The following MLLT3 variants were observed in gnomAD, a reference collection of about 807,000 sequenced individuals.
The protein encoded by MLLT3 is MLLT3 super elongation complex subunit.
MLLT3 carries 4 observed loss-of-function variants against 53.2 expected under a neutral mutation model. The observed-to-expected ratio is 0.08, with a 90% CI of 0.04 to 0.17. The LOEUF is 0.17. Among genes scored for constraint, MLLT3 ranks in the 10% least tolerant of loss-of-function variants. The pLI is 1.00. For missense variants in MLLT3, 569 were observed against 684.0 expected, an observed-to-expected ratio of 0.83 and a Z score of 1.87; for synonymous variants, 283 against 230.6, an observed-to-expected ratio of 1.23 and a Z score of -2.06.
At chr9:20,357,735 G>A (rs962968619) in intron 8 of MLLT3, among the ~76,000 whole-genome samples, 1 of 152,110 alleles carries the variant, frequency 6.6e-6, no homozygotes, top group African/African-American at 2.4e-5. Context: ...TCTAGTCCCT[G>A]GAAGATTTGA....
At position 20,476,832 on chromosome 9, in the gene MLLT3, T is replaced by A. The variant is rs141953927; in HGVS notation, c.194-20046A>T. Among the ~76,000 whole-genome samples the A allele has an allele frequency of 1.8e-3, 277 of 152,266 alleles. 2 individuals are homozygous for A. The highest frequency in any genetic ancestry group is 0.017 in the South Asian group (84 of 4,830). ...GAAATTGTTAAGAATGATTACAATCTAGAAAATTATCAACTAGCTAAAATG... is the reference window on the plus strand; with the variant it reads ...GAAATTGTTAAGAATGATTACAATCAAGAAAATTATCAACTAGCTAAAATG... On this transcript the variant is annotated intron_variant, in intron 2 of 10. Transcript: ENST00000380338.
chr9:20,457,854 A>T (rs1824010201), intron 2 of MLLT3, among the ~76,000 whole-genome samples: 1 of 152,186 alleles, frequency 6.6e-6, no homozygotes, highest in Non-Finnish European at 1.5e-5. Context: ...AATCAGTCAC[A>T]AGCCAACTGA....
intron 6 of MLLT3, among the ~76,000 whole-genome samples, chr9:20,364,549 T>C (rs748212585): frequency 6.6e-5 from 10 of 152,232 alleles, no homozygotes; most frequent in Non-Finnish European, 1.0e-4. Context: ...ATCTGAGCTA[T>C]TACTATCTTG....
chr9:20,462,951 G>A (rs967772959), intron 2 of MLLT3, among the ~76,000 whole-genome samples: 1 of 152,098 alleles, frequency 6.6e-6, no homozygotes, highest in Non-Finnish European at 1.5e-5. Flanking sequence ...AATATAATGA[G>A]ACAGTCGGTA....
At chr9:20,530,959 A>T (rs1818317213) in intron 2 of MLLT3, among the ~76,000 whole-genome samples, 1 of 151,556 alleles carries the variant, frequency 6.6e-6, no homozygotes, top group Admixed American at 6.6e-5. Context: ...CAAATTATGT[A>T]TTACATATTT....
At chr9:20,556,444 A>G (rs184145451) in intron 2 of MLLT3, among the ~76,000 whole-genome samples, 139 of 152,262 alleles carry the variant, frequency 9.1e-4, no homozygotes, top group Non-Finnish European at 1.6e-3. Flanking sequence ...CGGCACTTTG[A>G]GAGGCCGAGG....
intron 2 of MLLT3, among the ~76,000 whole-genome samples, chr9:20,575,075 A>G (rs937607914): frequency 8.5e-5 from 13 of 152,204 alleles, no homozygotes; most frequent in African/African-American, 2.4e-5. Context: ...TCAGTCACAT[A>G]TTCAGGTTCC....
intron 5 of MLLT3, among the ~76,000 whole-genome samples, chr9:20,389,595 T>C (rs1822134518): frequency 6.6e-6 from 1 of 151,690 alleles, no homozygotes; most frequent in Non-Finnish European, 1.5e-5. Context: ...GGTAACACAG[T>C]AGAACCCCAT....
chr9:20,571,796 G>A (rs1003483064), intron 2 of MLLT3, among the ~76,000 whole-genome samples: 5 of 152,160 alleles, frequency 3.3e-5, no homozygotes, highest in African/African-American at 1.2e-4. Context: ...ACTAATCATT[G>A]TGGAAATGCA....
At chr9:20,358,485 AC>A (rs1821229476) in intron 8 of MLLT3, among the ~76,000 whole-genome samples, 1 of 152,232 alleles carries the variant, frequency 6.6e-6, no homozygotes, top group Non-Finnish European at 1.5e-5. Flanking sequence ...AGATAAGGTA[AC>A]TTTTACCCTC....
chr9:20,589,786 C>A (rs1435175174), intron 2 of MLLT3, among the ~76,000 whole-genome samples: 1 of 150,980 alleles, frequency 6.6e-6, no homozygotes, highest in Non-Finnish European at 1.5e-5. Flanking sequence ...TCTCGGCTCA[C>A]TGCAACCTCT....
intron 4 of MLLT3, among the ~76,000 whole-genome samples, chr9:20,441,256 C>A (rs59795497): frequency 0.096 from 14,653 of 152,054 alleles, 1,943 homozygotes; most frequent in African/African-American, 0.3. Context: ...TTTCTGGTAC[C>A]TATTTTCAAA....
intron 5 of MLLT3, among the ~76,000 whole-genome samples, chr9:20,366,191 C>T (rs1821446382): frequency 6.6e-6 from 1 of 152,074 alleles, no homozygotes; most frequent in Non-Finnish European, 1.5e-5. Flanking sequence ...TAGTGCTATC[C>T]CTCCCCTAGC....
At chr9:20,591,132 G>A (rs1033432344) in intron 2 of MLLT3, among the ~76,000 whole-genome samples, 1 of 152,042 alleles carries the variant, frequency 6.6e-6, no homozygotes, top group South Asian at 2.1e-4. Context: ...ATACCTAGTG[G>A]CATTCTGAAT....
intron 2 of MLLT3, among the ~76,000 whole-genome samples, chr9:20,573,173 G>GT (rs1376035174): frequency 2.0e-3 from 199 of 101,032 alleles, no homozygotes; most frequent in South Asian, 0.019. Context: ...GTTTTTGTTT[G>GT]TTTTTTTTTG....
At chr9:20,478,925 C>T (rs193192905) in intron 2 of MLLT3, among the ~76,000 whole-genome samples, 3 of 152,174 alleles carry the variant, frequency 2.0e-5, no homozygotes, top group Admixed American at 6.5e-5. Context: ...CCATAGAGGG[C>T]CTGGTGTACA....
chr9:20,562,179 CTAAG>C (rs755517669), intron 2 of MLLT3, among the ~76,000 whole-genome samples: 5 of 152,096 alleles, frequency 3.3e-5, no homozygotes, highest in Admixed American at 1.3e-4. Context: ...GGCTATTATA[CTAAG>C]TGACTCAGTA....
At position 20,341,922 on chromosome 9, in the gene MLLT3, A is replaced by G. The variant is rs1296760282; in HGVS notation, c.*4521T>C. 9.9e-6 allele frequency: 2 copies of G among 202,092 alleles called. No homozygotes were observed. Among genetic ancestry groups the G allele is most frequent in the Admixed American group, 1.2e-4 (2 of 16,690 alleles). 12.5% of individuals were successfully genotyped at this position (202,092 alleles called of 1,614,324 possible). ...CCACTTCTTGTTCCAATCTTTGCAG[A>G]GTTTTAAAAATATTATATATATACT... On this transcript the variant is annotated 3_prime_UTR_variant, in exon 11 of 11. Transcript: ENST00000380338.
At chr9:20,404,669 T>C (rs1336658759) in intron 5 of MLLT3, among the ~76,000 whole-genome samples, 1 of 152,146 alleles carries the variant, frequency 6.6e-6, no homozygotes, top group Non-Finnish European at 1.5e-5. Context: ...CACGCCCAGA[T>C]AATTTTTAAA....
Sources: allele counts gnomAD v4.1 joint callset (sites outside exome capture counted in the v4.1 genomes callset), GRCh38; gene constraint gnomAD v4.1.1; transcripts MANE v1.5; gene names NCBI Gene and HGNC (gene_info 2026-07-23, HGNC 2026-07-21).